Variants in CDC14B observed in about 807,000 individuals in gnomAD.
CDC14B encodes the protein dual specificity protein phosphatase CDC14B.
A neutral mutation model predicts 64.2 loss-of-function variants in CDC14B; 22 were observed. The observed-to-expected ratio is 0.34, with a 90% CI of 0.24 to 0.49. The LOEUF (loss-of-function observed/expected upper bound fraction) is 0.49, where lower values mean the gene tolerates loss of function less well. Ranked by LOEUF, CDC14B falls within the 20% of genes least tolerant of loss-of-function variation. The probability of loss-of-function intolerance (pLI) is 0.99; values close to 1 mark genes in which losing one functional copy is unlikely to be tolerated. For synonymous variants in CDC14B, 191 were observed against 215.8 expected (o/e 0.89, Z 1.01); for missense variants, 498 against 629.9 (o/e 0.79, Z 2.24).
chr9:96,591,905 C>T (rs1845814477), intron 1 of CDC14B, among the ~76,000 whole-genome samples: 3 of 151,982 alleles, frequency 2.0e-5, no homozygotes, highest in Admixed American at 6.6e-5. Flanking sequence ...ACCAACTCGC[C>T]CGGCTAATTT....
At chr9:96,598,910 A>G (rs1024098970) in intron 1 of CDC14B, among the ~76,000 whole-genome samples, 4 of 152,260 alleles carry the variant, frequency 2.6e-5, no homozygotes, top group South Asian at 2.1e-4. Context: ...GTGAAATTCT[A>G]TGTAGGTACA....
intron 13 of CDC14B, among the ~76,000 whole-genome samples, chr9:96,494,898 G>A (rs761595470): frequency 8.7e-5 from 13 of 149,914 alleles, no homozygotes; most frequent in Non-Finnish European, 1.8e-4. Flanking sequence ...GCAGTGGCGC[G>A]ATCTCGGCTC....
rs111593119 is a variant in CDC14B at position 96,579,693 on chromosome 9, G to C, written c.161-14210C>G. On this transcript the variant is annotated intron_variant, in intron 1 of 13. Coordinates refer to ENST00000375241, the MANE Select transcript of CDC14B (RefSeq NM_033331.4). The stretch of plus-strand genomic sequence containing the variant: ...GGCGGCAGTCTGCAAGCCAAGGACA[G>C]AGGCCTCAGCAGAAGCCAACCCCGC... Among the ~76,000 whole-genome samples, 279 of 152,254 alleles carry C rather than the reference G, an allele frequency of 1.8e-3. 3 individuals are homozygous for C. Among genetic ancestry groups the C allele is most frequent in the African/African-American group, 5.9e-3 (246 of 41,560 alleles).
intron 9 of CDC14B, among the ~76,000 whole-genome samples, chr9:96,531,644 A>G (rs190826811): frequency 1.0e-3 from 152 of 151,928 alleles, no homozygotes; most frequent in African/African-American, 3.5e-3. Context: ...TTACAATAAT[A>G]TACTACTTGC....
intron 5 of CDC14B, among the ~76,000 whole-genome samples, chr9:96,542,881 C>T (rs957224297): frequency 6.6e-6 from 1 of 151,608 alleles, no homozygotes. Context: ...CGGTGGTGGG[C>T]GCCTGTAATC....
chr9:96,540,152 A>T (rs1378120745), intron 6 of CDC14B, among the ~76,000 whole-genome samples: 2 of 151,724 alleles, frequency 1.3e-5, no homozygotes, highest in South Asian at 2.1e-4. Flanking sequence ...ATGAAACAAT[A>T]AAAAAAAGTA....
intron 1 of CDC14B, among the ~76,000 whole-genome samples, chr9:96,585,381 C>T (rs112748042): frequency 0.017 from 2,552 of 151,966 alleles, 78 homozygotes; most frequent in African/African-American, 0.059. Flanking sequence ...CCCAGACAGG[C>T]CCCAGTGGGT....
intron 1 of CDC14B, among the ~76,000 whole-genome samples, chr9:96,576,493 G>A (rs79657789): frequency 0.048 from 7,188 of 151,004 alleles, 580 homozygotes; most frequent in African/African-American, 0.17. Flanking sequence ...TAGCTGGCAC[G>A]GTGGCCATGG....
intron 1 of CDC14B, among the ~76,000 whole-genome samples, chr9:96,574,769 G>T (rs1409406152): frequency 2.2e-5 from 3 of 136,118 alleles, no homozygotes; most frequent in Admixed American, 7.2e-5. Flanking sequence ...AATTTAAAAA[G>T]ATAACTCACA....
chr9:96,542,765 C>T (rs1209694439), intron 5 of CDC14B, among the ~76,000 whole-genome samples: 1 of 151,978 alleles, frequency 6.6e-6, no homozygotes, highest in Non-Finnish European at 1.5e-5. Flanking sequence ...AATCCCAGCA[C>T]TTAGGGAGGC....
rs1587704964 is a variant in CDC14B at position 96,500,247 on chromosome 9, T to C, written c.*3506A>G. On this transcript the variant is annotated 3_prime_UTR_variant, in exon 14 of 14. Coordinates refer to ENST00000375241, the MANE Select transcript of CDC14B (RefSeq NM_033331.4). ...TCAAACTACATACATATGCAAAGTT[T>C]ACACGCCATTAGGAAGCTTTATCTT... is the stretch of plus-strand genomic sequence containing the variant. The C allele has an allele frequency of 6.6e-6, 1 of 152,656 alleles. No individual in the cohort carries two copies. The highest frequency in any genetic ancestry group is 1.5e-5 in the Non-Finnish European group (1 of 68,046). The allele number at this position is 152,656 out of a possible 1,614,324, so 9.5% of individuals were successfully genotyped here. A position where few individuals can be genotyped will look rare whatever the true frequency, so the allele number is the denominator to read the frequency against.
At position 96,534,272 on chromosome 9, in the gene CDC14B, A is replaced by G. The variant is rs963214714; in HGVS notation, c.716-115T>C. Reference sequence around the variant, plus strand: ...GGACTGGGAATTAAATACCAATTTGATTATAACTGTAAAAAACAAAAGAAA... The same window carrying G: ...GGACTGGGAATTAAATACCAATTTGGTTATAACTGTAAAAAACAAAAGAAA... On this transcript the variant is annotated intron_variant, in intron 8 of 13. Coordinates refer to ENST00000375241, the MANE Select transcript of CDC14B (RefSeq NM_033331.4). 2.0e-5 allele frequency: 16 copies of G among 797,490 alleles called. No individual in the cohort carries two copies. In the African/African-American group the frequency reaches 2.8e-4, roughly 14 times the overall value. 49.4% of individuals were successfully genotyped at this position (797,490 alleles called of 1,614,324 possible).
chr9:96,528,336 A>G (rs891589412), intron 9 of CDC14B, among the ~76,000 whole-genome samples: 1 of 152,134 alleles, frequency 6.6e-6, no homozygotes, highest in Non-Finnish European at 1.5e-5. Context: ...AGCCTGGCCA[A>G]CATGGTGAAA....
chr9:96,595,098 C>T (rs1845997688), intron 1 of CDC14B, among the ~76,000 whole-genome samples: 1 of 152,130 alleles, frequency 6.6e-6, no homozygotes, highest in African/African-American at 2.4e-5. Context: ...TTGCAGTGAG[C>T]TGAGATCACA....
intron 1 of CDC14B, among the ~76,000 whole-genome samples, chr9:96,582,731 C>T (rs940862821): frequency 6.6e-6 from 1 of 152,186 alleles, no homozygotes; most frequent in African/African-American, 2.4e-5. Flanking sequence ...TCAAACAACA[C>T]AAAAGCAAAA....
Position 96,509,686 on chromosome 9 carries a change from T to G in CDC14B, c.1447A>C (p.Ser483Arg), listed in dbSNP as rs1257105734. Reference sequence around the variant, plus strand: ...TTCTTTTCTCACCTTTTAACACTGCTTTTCCTTGAAGCAGATCTGGTGGTT... The same window carrying G: ...TTCTTTTCTCACCTTTTAACACTGCGTTTCCTTGAAGCAGATCTGGTGGTT... ...KRTTRSASRKSSVKSLSISRT... is the reference protein window; with the variant it reads ...KRTTRSASRKRSVKSLSISRT... Residue 483 changes from serine (S) to arginine (R), a missense_variant, in exon 13 of 14, where the codon AGC becomes CGC. Ser to Arg is a moderately radical substitution (Grantham distance 110). Coordinates refer to ENST00000375241, the MANE Select transcript of CDC14B (RefSeq NM_033331.4). The G allele has an allele frequency of 1.9e-6, 3 of 1,603,318 alleles. No individual in the cohort carries two copies. Among genetic ancestry groups the G allele is most frequent in the Non-Finnish European group, 2.6e-6 (3 of 1,170,404 alleles).
At chr9:96,604,350 TATTATTATTA>T (rs1846717445) in intron 1 of CDC14B, among the ~76,000 whole-genome samples, 1 of 96,954 alleles carries the variant, frequency 1.0e-5, no homozygotes, top group African/African-American at 6.3e-5. Context: ...CATTTATTAT[TATTATTATTA>T]TTATTATTAT....
chr9:96,506,988 T>C (rs543197648), intron 13 of CDC14B, among the ~76,000 whole-genome samples: 1 of 152,346 alleles, frequency 6.6e-6, no homozygotes, highest in Admixed American at 6.5e-5. Flanking sequence ...CAAGACACAC[T>C]ACGCTGTTAA....
chr9:96,520,010 C>G (rs1223300419), intron 12 of CDC14B, among the ~76,000 whole-genome samples: 2 of 152,134 alleles, frequency 1.3e-5, no homozygotes, highest in Non-Finnish European at 2.9e-5. Context: ...AAAATAACAA[C>G]ATAGACACAA....
Sources: gnomAD v4.1 joint callset for allele counts (sites outside exome capture counted in the v4.1 genomes callset) on GRCh38, gnomAD v4.1.1 for gene constraint, MANE v1.5 for transcripts, NCBI Gene and HGNC (gene_info 2026-07-23, HGNC 2026-07-21) for gene names.